Variants in SETBP1 observed in about 807,000 individuals in gnomAD.
The protein encoded by SETBP1 is SET binding protein 1, also known as SET-binding protein.
In SETBP1, 9 loss-of-function variants were observed where a neutral mutation model predicts 101.0. The ratio of observed to expected loss-of-function variants is 0.09; its 90% CI spans 0.05 to 0.16. SETBP1 has a LOEUF of 0.16. Among genes scored for constraint, SETBP1 ranks in the 10% least tolerant of loss-of-function variants. SETBP1 has a pLI of 1.00. For missense variants in SETBP1, 1,858 were observed against 2,033.8 expected (o/e 0.91, Z 1.66); for synonymous variants, 818 against 788.5 (o/e 1.04, Z -0.63).
At chr18:44,867,504 G>C (rs1008437307) in intron 2 of SETBP1, among the ~76,000 whole-genome samples, 1 of 152,182 alleles carries the variant, frequency 6.6e-6, no homozygotes, top group African/African-American at 2.4e-5. Context: ...TGCTCCCACT[G>C]ATGTACACAT....
chr18:44,875,277 T>C (rs186250510), intron 3 of SETBP1, among the ~76,000 whole-genome samples: 9 of 151,972 alleles, frequency 5.9e-5, no homozygotes, highest in Admixed American at 1.3e-4. Flanking sequence ...TACCAACACA[T>C]TGGGAGGCCA....
intron 4 of SETBP1, among the ~76,000 whole-genome samples, chr18:45,024,668 T>C (rs2073130767): frequency 6.6e-6 from 1 of 152,240 alleles, no homozygotes; most frequent in African/African-American, 2.4e-5. Flanking sequence ...CCATTAGCTC[T>C]GCGCACAATG....
intron 2 of SETBP1, among the ~76,000 whole-genome samples, chr18:44,765,720 T>C (rs2070752368): frequency 6.6e-6 from 1 of 152,236 alleles, no homozygotes; most frequent in Non-Finnish European, 1.5e-5. Flanking sequence ...GGTTACACTC[T>C]ACTATGCCTT....
At chr18:44,762,255 G>A in intron 2 of SETBP1, among the ~76,000 whole-genome samples, 1 of 151,928 alleles carries the variant, frequency 6.6e-6, no homozygotes, top group Non-Finnish European at 1.5e-5. Context: ...GCCCAGCCCA[G>A]AACACACCTC....
intron 2 of SETBP1, among the ~76,000 whole-genome samples, chr18:44,842,575 G>A (rs2072638294): frequency 6.6e-6 from 1 of 152,188 alleles, no homozygotes; most frequent in Admixed American, 6.5e-5. Context: ...CAGGGAATGG[G>A]CAATTCCATC....
At chr18:44,830,113 T>A (rs2072328124) in intron 2 of SETBP1, among the ~76,000 whole-genome samples, 2 of 152,172 alleles carry the variant, frequency 1.3e-5, no homozygotes, top group South Asian at 4.1e-4. Flanking sequence ...AAAAACTAAA[T>A]AATTGGGTTC....
intron 2 of SETBP1, among the ~76,000 whole-genome samples, chr18:44,816,637 G>T (rs2071984795): frequency 1.3e-5 from 2 of 152,154 alleles, no homozygotes; most frequent in Non-Finnish European, 2.9e-5. Flanking sequence ...CCGTGAATGA[G>T]TCCTCAGCTG....
intron 2 of SETBP1, among the ~76,000 whole-genome samples, chr18:44,770,176 T>C (rs193273047): frequency 2.6e-3 from 397 of 152,286 alleles, no homozygotes; most frequent in African/African-American, 8.8e-3. Flanking sequence ...TGATAACTGA[T>C]ATGTTAATGA....
At chr18:45,038,178 TG>T (rs1028704656) in intron 4 of SETBP1, among the ~76,000 whole-genome samples, 60 of 152,130 alleles carry the variant, frequency 3.9e-4, no homozygotes, top group African/African-American at 1.4e-3. Context: ...TCTGTAAAGA[TG>T]GGAATGTACA....
chr18:44,686,275 C>CA (rs1427684054), intron 1 of SETBP1, among the ~76,000 whole-genome samples: 15 of 152,250 alleles, frequency 9.9e-5, no homozygotes, highest in Non-Finnish European at 2.2e-4. Flanking sequence ...AGGCACCTTG[C>CA]AGTGTTCTCG....
rs537060897 is a variant in SETBP1 at position 44,995,197 on chromosome 18, A to G, written c.4000+41857A>G. 3.4e-3 allele frequency among the ~76,000 whole-genome samples: 456 copies of G among 132,234 alleles called. 1 individual carries two copies. The Middle Eastern group carries it at 0.047, about 14-fold the overall frequency. 86.8% of individuals were successfully genotyped at this position (132,234 alleles called of 152,430 possible). On this transcript the variant is annotated intron_variant, in intron 4 of 5. Transcript: ENST00000649279. The stretch of plus-strand genomic sequence containing the variant: ...TGCTCTGTTGCCCAGGCTGGAGTGC[A>G]GTGGCGCGATCTTGGCTCACTGCAA...
At position 44,950,432 on chromosome 18, in the gene SETBP1, T is replaced by C. The variant is rs1254296218; in HGVS notation, c.1092T>C (p.Asn364=). ...AGAATGCCCAGAAAGCATTTGACAA[T>C]ACAGAAGGGAAAAGGGAAGGTTATT... is the stretch of plus-strand genomic sequence containing the variant. ...WVKNAQKAFD[N]TEGKREGYSA... The change falls in exon 4 of 6, where the codon AAT becomes AAC. Residue 364 remains asparagine, a synonymous_variant. Transcript: ENST00000649279. The C allele has an allele frequency of 6.2e-7, 1 of 1,614,052 alleles. No homozygotes were observed. Among genetic ancestry groups the C allele is most frequent in the African/African-American group, 1.3e-5 (1 of 75,006 alleles).
intron 4 of SETBP1, among the ~76,000 whole-genome samples, chr18:44,984,456 T>G (rs1300456066): frequency 6.6e-6 from 1 of 152,180 alleles, no homozygotes; most frequent in Non-Finnish European, 1.5e-5. Context: ...CTGCTGTTGA[T>G]CTGACAGGAG....
chr18:44,970,363 A>G (rs1208558462), intron 4 of SETBP1, among the ~76,000 whole-genome samples: 1 of 152,208 alleles, frequency 6.6e-6, no homozygotes, highest in Non-Finnish European at 1.5e-5. Context: ...ATAAAGTTGT[A>G]GCATATGTAC....
At chr18:45,029,283 G>A (rs1425552866) in intron 4 of SETBP1, among the ~76,000 whole-genome samples, 1 of 151,952 alleles carries the variant, frequency 6.6e-6, no homozygotes, top group Non-Finnish European at 1.5e-5. Context: ...TTTCCCCATT[G>A]CTTGTTTTTC....
At chr18:44,913,865 T>C (rs1401807865) in intron 3 of SETBP1, among the ~76,000 whole-genome samples, 1 of 152,252 alleles carries the variant, frequency 6.6e-6, no homozygotes, top group African/African-American at 2.4e-5. Flanking sequence ...CATTTTTAGT[T>C]ACTGAAAAGG....
At chr18:44,690,452 G>A (rs2068911117) in intron 1 of SETBP1, among the ~76,000 whole-genome samples, 2 of 152,252 alleles carry the variant, frequency 1.3e-5, no homozygotes. Context: ...TGAACAGGTA[G>A]TGAGGTGAAA....
At chr18:44,934,480 A>T (rs2070914579) in intron 3 of SETBP1, among the ~76,000 whole-genome samples, 1 of 152,162 alleles carries the variant, frequency 6.6e-6, no homozygotes, top group African/African-American at 2.4e-5. Flanking sequence ...AGAGAAGATA[A>T]GTAACGAGCC....
At chr18:44,821,231 G>A (rs2072108807) in intron 2 of SETBP1, among the ~76,000 whole-genome samples, 1 of 152,170 alleles carries the variant, frequency 6.6e-6, no homozygotes, top group African/African-American at 2.4e-5. Context: ...TTCCAGCAAA[G>A]GCATTGCTTA....
Sources: gnomAD v4.1 joint callset for allele counts (sites outside exome capture counted in the v4.1 genomes callset) on GRCh38, gnomAD v4.1.1 for gene constraint, MANE v1.5 for transcripts, NCBI Gene and HGNC (gene_info 2026-07-23, HGNC 2026-07-21) for gene names.